ELOB: variants seen among roughly 807,000 people sequenced by gnomAD.
The protein encoded by ELOB is elongin B.
A neutral mutation model predicts 12.9 loss-of-function variants in ELOB; 3 were observed. The observed-to-expected ratio is 0.23, with a 90% CI of 0.11 to 0.60. The LOEUF is 0.60. ELOB is among the 20% of genes least tolerant of loss of function. The pLI is 0.89. For synonymous variants in ELOB, 84 were observed against 67.4 expected, an observed-to-expected ratio of 1.25 and a Z score of -1.21; for missense variants, 126 against 159.2, an observed-to-expected ratio of 0.79 and a Z score of 1.12.
In ELOB at chr16:2,771,629, A is replaced by AG; in HGVS notation, c.*360dup. ...GCTATGGGGGTGGGGGGCACTTAGA[A>AG]GGAGAAAGGCCTAAAACTGGAATCT... On this transcript the variant is annotated 3_prime_UTR_variant, in exon 4 of 4. Transcript: ENST00000409906. The AG allele has an allele frequency of 6.2e-6, 10 of 1,613,748 alleles. No individual in the cohort carries two copies. Among genetic ancestry groups the AG allele is most frequent in the Non-Finnish European group, 8.5e-6 (10 of 1,179,918 alleles).
At chr16:2,773,282 G>A (rs2068779307) in intron 3 of ELOB, among the ~76,000 whole-genome samples, 1 of 152,054 alleles carries the variant, frequency 6.6e-6, no homozygotes, top group Admixed American at 6.5e-5. Context: ...CTATCTAGTG[G>A]GTAGAGGCCT....
intron 2 of ELOB, among the ~76,000 whole-genome samples, chr16:2,776,547 T>C (rs1448764716): frequency 6.6e-6 from 1 of 152,182 alleles, no homozygotes. Context: ...GACCTGACTT[T>C]CTTTGCATTC....
At chr16:2,773,819 C>T (rs1360278796) in intron 3 of ELOB, among the ~76,000 whole-genome samples, 2 of 152,328 alleles carry the variant, frequency 1.3e-5, no homozygotes, top group East Asian at 1.9e-4. Context: ...TCACAGCAAA[C>T]CTCTAGGGGT....
Position 2,771,543 on chromosome 16 carries a change from C to T in ELOB, c.*447G>A. 6.2e-7 allele frequency: 1 copy of T among 1,614,166 alleles called. No homozygotes were observed. Among genetic ancestry groups the T allele is most frequent in the African/African-American group, 1.3e-5 (1 of 75,016 alleles). ...TCCCTCGTTGAACATGCTGTCAAAC[C>T]AGGACACTGGCTCCAGCTTGTGTTT... On this transcript the variant is annotated 3_prime_UTR_variant, in exon 4 of 4. Transcript: ENST00000409906.
intron 3 of ELOB, among the ~76,000 whole-genome samples, chr16:2,772,704 CAAAAAA>C (rs545817204): frequency 1.4e-5 from 2 of 141,960 alleles, no homozygotes; most frequent in African/African-American, 2.6e-5. Flanking sequence ...GACTCCATCT[CAAAAAA>C]AAAAAATCAA....
At chr16:2,775,403 C>A in intron 3 of ELOB, 48 bp downstream of exon 3, 1 of 1,434,124 alleles carries the variant, frequency 7.0e-7, no homozygotes, top group South Asian at 1.2e-5. Context: ...AACAGTGTTC[C>A]CAACCTGCTT....
At position 2,772,004 on chromosome 16, in the gene ELOB, G is replaced by T. The variant is rs762344854; in HGVS notation, c.343C>A (p.Gln115Lys). Residue 115 changes from glutamine (Q) to lysine (K), a missense_variant, in exon 4 of 4, where the codon CAA becomes AAA. Physicochemically the swap from Gln to Lys is moderately conservative, Grantham distance 53. Transcript: ENST00000409906. ...PQDSGSSANE[Q>K]AVQ ...CTTGGGGGTCCTCACTGCACGGCTTGTTCATTGGCACTGCTTCCCGAGTCC... is the reference window on the plus strand; with the variant it reads ...CTTGGGGGTCCTCACTGCACGGCTTTTTCATTGGCACTGCTTCCCGAGTCC... 6.2e-7 allele frequency: 1 copy of T among 1,612,638 alleles called. No homozygotes were observed. The highest frequency in any genetic ancestry group is 8.5e-7 in the Non-Finnish European group (1 of 1,179,526).
chr16:2,771,649 G>C lies in ELOB; in HGVS notation c.*341C>G. The C allele has an allele frequency of 2.5e-6, 4 of 1,612,360 alleles. No homozygotes were observed. Among genetic ancestry groups the C allele is most frequent in the East Asian group, 2.2e-5 (1 of 44,872 alleles). ...TTAGAAGGAGAAAGGCCTAAAACTG[G>C]AATCTCTTGTCCCTGAGGCTGGCTC... On this transcript the variant is annotated 3_prime_UTR_variant, in exon 4 of 4. Transcript: ENST00000409906.
At position 2,777,050 on chromosome 16, in the gene ELOB, C is replaced by A. The variant is rs1347628215; in HGVS notation, c.81G>T (p.Leu27=). 6.2e-7 allele frequency: 1 copy of A among 1,607,614 alleles called. No homozygotes were observed. Among genetic ancestry groups the A allele is most frequent in the South Asian group, 1.1e-5 (1 of 90,550 alleles). The change falls in exon 2 of 4, where the codon CTG becomes CTT. Residue 27 remains leucine, a synonymous_variant. Transcript: ENST00000409906. ...TGAGGATGCCCTCGACGATGCGCTTCAGTTCGAACACCGTGCTGGACTCCT... is the reference window on the plus strand; with the variant it reads ...TGAGGATGCCCTCGACGATGCGCTTAAGTTCGAACACCGTGCTGGACTCCT... ...DAKESSTVFE[L]KRIVEGILKR...
chr16:2,772,927 C>T (rs74349088), intron 3 of ELOB, among the ~76,000 whole-genome samples: 1 of 152,170 alleles, frequency 6.6e-6, no homozygotes, highest in African/African-American at 2.4e-5. Context: ...CTGGCTGCTT[C>T]TGGACTTTCA....
At position 2,771,471 on chromosome 16, in the gene ELOB, AT is replaced by A; in HGVS notation, c.*518del. 2 of 1,614,132 alleles carry A rather than the reference AT, an allele frequency of 1.2e-6. No individual in the cohort carries two copies. The highest frequency in any genetic ancestry group is 1.7e-4 in the Middle Eastern group (1 of 6,060). The stretch of plus-strand genomic sequence containing the variant: ...AAGGGGGCAGCCACTTCCCTCCGTG[AT>A]TACAGCCCCCAGCGTGGGTGGACCT... On this transcript the variant is annotated 3_prime_UTR_variant, in exon 4 of 4. Coordinates refer to ENST00000409906, the MANE Select transcript of ELOB (RefSeq NM_007108.4).
intron 3 of ELOB, among the ~76,000 whole-genome samples, chr16:2,773,536 G>A (rs572363629): frequency 5.3e-5 from 8 of 152,118 alleles, no homozygotes; most frequent in Non-Finnish European, 1.2e-4. Flanking sequence ...GGAGGGTGGG[G>A]CACCCATTCA....
chr16:2,771,880 G>A lies in ELOB; in HGVS notation c.*110C>T. 2 of 1,474,924 alleles carry A rather than the reference G, an allele frequency of 1.4e-6. No homozygotes were observed. Among genetic ancestry groups the A allele is most frequent in the South Asian group, 1.4e-5 (1 of 71,716 alleles). 91.4% of individuals were successfully genotyped at this position (1,474,924 alleles called of 1,614,324 possible). On this transcript the variant is annotated 3_prime_UTR_variant, in exon 4 of 4. Coordinates refer to ENST00000409906, the MANE Select transcript of ELOB (RefSeq NM_007108.4). The stretch of plus-strand genomic sequence containing the variant: ...GAACTGCCAAGCACAAGCCCCAAAA[G>A]GAGCCCACAGGGAGTGGGACCCATC...
chr16:2,775,378 G>T, intron 3 of ELOB, 73 bp downstream of exon 3: 1 of 1,136,248 alleles, frequency 8.8e-7, no homozygotes. Flanking sequence ...CAGGCTCCCT[G>T]ATGACCTTCT....
At position 2,771,618 on chromosome 16, in the gene ELOB, G is replaced by A. The variant is rs763332020; in HGVS notation, c.*372C>T. 16 of 1,613,892 alleles carry A rather than the reference G, an allele frequency of 9.9e-6. No individual in the cohort carries two copies. The highest frequency in any genetic ancestry group is 1.2e-5 in the Non-Finnish European group (14 of 1,180,012). On this transcript the variant is annotated 3_prime_UTR_variant, in exon 4 of 4. Transcript: ENST00000409906. ...TGGACATGCAGGCTATGGGGGTGGG[G>A]GGCACTTAGAAGGAGAAAGGCCTAA...
chr16:2,773,848 G>A (rs1477410922), intron 3 of ELOB, among the ~76,000 whole-genome samples: 1 of 152,216 alleles, frequency 6.6e-6, no homozygotes, highest in Admixed American at 6.5e-5. Context: ...TGAAATTAGA[G>A]AAAGGGACAC....
At chr16:2,777,173 G>A (rs758168373) in intron 1 of ELOB, 46 bp from the exon 2 acceptor site, 1 of 1,136,178 alleles carries the variant, frequency 8.8e-7, no homozygotes, top group Non-Finnish European at 1.1e-6. Context: ...GGCCCCCCGC[G>A]CGGCCCAGCC....
At chr16:2,774,244 C>A (rs759858564) in intron 3 of ELOB, among the ~76,000 whole-genome samples, 5 of 152,112 alleles carry the variant, frequency 3.3e-5, no homozygotes, top group Non-Finnish European at 7.4e-5. Context: ...ACAACAACAA[C>A]AAAAATGCAC....
Position 2,771,952 on chromosome 16 carries a change from A to C in ELOB, c.*38T>G. On this transcript the variant is annotated 3_prime_UTR_variant, in exon 4 of 4. Coordinates refer to ENST00000409906, the MANE Select transcript of ELOB (RefSeq NM_007108.4). ...AGGCAGCAACCAGGCAGACTCCCAA[A>C]TCTCTTTTATTGGGGGAAATGGGCC... is the stretch of plus-strand genomic sequence containing the variant. 1 of 1,590,640 alleles carries C rather than the reference A, an allele frequency of 6.3e-7. No individual in the cohort carries two copies. The highest frequency in any genetic ancestry group is 8.5e-7 in the Non-Finnish European group (1 of 1,170,052).
Sources: allele counts gnomAD v4.1 joint callset (sites outside exome capture counted in the v4.1 genomes callset), GRCh38; gene constraint gnomAD v4.1.1; transcripts MANE v1.5; gene names NCBI Gene and HGNC (gene_info 2026-07-23, HGNC 2026-07-21).